Variants in GSDMC observed in about 807,000 individuals in gnomAD.
The protein encoded by GSDMC is gasdermin C, also known as gasdermin-C.
Under a neutral mutation model 58.0 loss-of-function variants are expected in GSDMC, and 59 were observed. The observed-to-expected ratio is 1.02, with a 90% confidence interval of 0.82 to 1.26. The LOEUF is 1.26. GSDMC is among the 50% of genes most tolerant of loss of function. The pLI, the probability that GSDMC is intolerant of heterozygous loss-of-function variation, is 0.00. For missense variants in GSDMC, 659 were observed against 598.5 expected, an observed-to-expected ratio of 1.10 and a Z score of -1.06; for synonymous variants, 241 against 220.2, an observed-to-expected ratio of 1.09 and a Z score of -0.83.
At chr8:129,746,769 T>G (rs903158142), downstream of GSDMC, among the ~76,000 whole-genome samples, 5 of 152,144 alleles carry the variant, frequency 3.3e-5, no homozygotes, top group Non-Finnish European at 7.3e-5. Flanking sequence ...TACAAAAGAC[T>G]GAGGGCAAGA....
At chr8:129,734,907 T>C in the GSDMC span, among the ~76,000 whole-genome samples, 1 of 152,162 alleles carries the variant, frequency 6.6e-6, no homozygotes, top group Non-Finnish European at 1.5e-5. Flanking sequence ...TGTGCTGTAT[T>C]CAGGACACCC....
At chr8:129,728,274 TTGA>T in the GSDMC span, among the ~76,000 whole-genome samples, 1 of 152,088 alleles carries the variant, frequency 6.6e-6, no homozygotes, top group Admixed American at 6.5e-5. Context: ...CCCACTCAAC[TTGA>T]TAAGAAGCCT....
At chr8:129,749,791 T>G (rs2033097978) in intron 12 of GSDMC, among the ~76,000 whole-genome samples, 199 bp downstream of exon 12, 1 of 152,104 alleles carries the variant, frequency 6.6e-6, no homozygotes, top group South Asian at 2.1e-4. Context: ...AACTGGTAAC[T>G]CCCTAGGCCT....
chr8:129,712,002 G>A, the GSDMC span, among the ~76,000 whole-genome samples: 2 of 152,140 alleles, frequency 1.3e-5, no homozygotes, highest in African/African-American at 4.8e-5. Context: ...CACATCCACA[G>A]TACCAGCTAC....
the GSDMC span, chr8:129,705,570 T>G: frequency 6.6e-6 from 1 of 152,492 alleles, no homozygotes; most frequent in African/African-American, 2.4e-5. Flanking sequence ...GCAGGAGAAG[T>G]GCCAAGCATC....
chr8:129,729,991 C>T, the GSDMC span: 25 of 1,488,952 alleles, frequency 1.7e-5, no homozygotes, highest in Admixed American at 6.9e-5. Context: ...CAGTGCTGTC[C>T]GGATAGTTCA....
At chr8:129,733,163 C>T in the GSDMC span, among the ~76,000 whole-genome samples, 1 of 152,386 alleles carries the variant, frequency 6.6e-6, no homozygotes, top group African/African-American at 2.4e-5. Context: ...GCTGGGGAAG[C>T]TCAAAGTGGG....
At chr8:129,758,310 A>G (rs2033522304) in intron 6 of GSDMC, among the ~76,000 whole-genome samples, 2 of 152,226 alleles carry the variant, frequency 1.3e-5, no homozygotes, top group African/African-American at 2.4e-5. Flanking sequence ...CTGGAACATG[A>G]CAAAGAGGTC....
chr8:129,717,094 T>G, the GSDMC span, among the ~76,000 whole-genome samples: 1 of 152,154 alleles, frequency 6.6e-6, no homozygotes, highest in South Asian at 2.1e-4. Context: ...TTGTTGTGTC[T>G]CTGCCAGGTT....
the GSDMC span, among the ~76,000 whole-genome samples, chr8:129,726,092 T>C: frequency 1.3e-5 from 2 of 152,194 alleles, no homozygotes; most frequent in African/African-American, 2.4e-5. Context: ...CATGAGACAA[T>C]CAGATTTATC....
Position 129,776,248 on chromosome 8 carries a change from A to G in GSDMC, c.258T>C (p.Ile86=). The G allele has an allele frequency of 6.2e-7, 1 of 1,613,554 alleles. No homozygotes were observed. The highest frequency in any genetic ancestry group is 8.5e-7 in the Non-Finnish European group (1 of 1,179,690). ...VVTGPFHFSD[I]MIQKHKADMG... ...TGTCAGCCTTATGCTTCTGGATCATAATGTCACTGAAGTGGAACGGTCCTG... is the reference window on the plus strand; with the variant it reads ...TGTCAGCCTTATGCTTCTGGATCATGATGTCACTGAAGTGGAACGGTCCTG... Residue 86 remains isoleucine, a synonymous_variant, in exon 3 of 14, where the codon ATT becomes ATC. Transcript: ENST00000276708.
chr8:129,759,328 A>G (rs1202750220), intron 6 of GSDMC, among the ~76,000 whole-genome samples: 2 of 152,186 alleles, frequency 1.3e-5, no homozygotes, highest in Admixed American at 6.5e-5. Flanking sequence ...TAAATACTCC[A>G]CAAGCACTGG....
At chr8:129,781,182 A>T (rs2034395927) in intron 1 of GSDMC, among the ~76,000 whole-genome samples, 1 of 152,212 alleles carries the variant, frequency 6.6e-6, no homozygotes, top group African/African-American at 2.4e-5. Flanking sequence ...CTCACTTATT[A>T]GTAATAACAT....
chr8:129,785,627 C>T (rs1484114412), intron 1 of GSDMC, among the ~76,000 whole-genome samples: 2 of 151,894 alleles, frequency 1.3e-5, no homozygotes, highest in South Asian at 2.1e-4. Flanking sequence ...TTCCTAACTA[C>T]ATGGAATTCA....
chr8:129,757,914 A>G (rs1195977668), intron 6 of GSDMC, among the ~76,000 whole-genome samples: 1 of 152,040 alleles, frequency 6.6e-6, no homozygotes. Context: ...TCATTTGAGT[A>G]TGTGAGGCAG....
In GSDMC at chr8:129,770,707, G is replaced by A. The variant is rs566394352; in HGVS notation, c.405-4914C>T. 4.7e-4 allele frequency among the ~76,000 whole-genome samples: 72 copies of A among 152,052 alleles called. 2 individuals carry two copies. The Middle Eastern group carries it at 0.024, about 51-fold the overall frequency. On this transcript the variant is annotated intron_variant, in intron 3 of 13. Transcript: ENST00000276708. ...AGTAATCAAATCACAAAGGAAGATG[G>A]CAGGTGAGAAAGAAGGAAAGAAAAA...
the GSDMC span, among the ~76,000 whole-genome samples, chr8:129,731,448 G>A: frequency 6.6e-6 from 1 of 152,224 alleles, no homozygotes. Context: ...CTCAGTAGAT[G>A]TTTGTGTTTG....
At chr8:129,764,623 G>A (rs537580328) in intron 4 of GSDMC, among the ~76,000 whole-genome samples, 1 of 152,358 alleles carries the variant, frequency 6.6e-6, no homozygotes, top group Admixed American at 6.5e-5. Flanking sequence ...TGGCTATGCA[G>A]AGGTGGGAAG....
intron 1 of GSDMC, among the ~76,000 whole-genome samples, chr8:129,781,606 G>A (rs1013027108): frequency 1.6e-4 from 25 of 152,130 alleles, no homozygotes; most frequent in South Asian, 1.0e-3. Context: ...TTAGCCAGGC[G>A]TGGTGGTGGG....
Sources: gnomAD v4.1 joint callset for allele counts (sites outside exome capture counted in the v4.1 genomes callset) on GRCh38, gnomAD v4.1.1 for gene constraint, MANE v1.5 for transcripts, NCBI Gene and HGNC (gene_info 2026-07-23, HGNC 2026-07-21) for gene names.